Variants in CAMKMT observed in about 807,000 individuals in gnomAD.
CAMKMT encodes the protein calmodulin-lysine N-methyltransferase.
CAMKMT carries 53 observed loss-of-function variants against 48.0 expected under a neutral mutation model. The observed-to-expected ratio is 1.10, with a 90% CI of 0.89 to 1.39. The LOEUF is 1.39. Among genes scored for constraint, CAMKMT ranks in the 40% most tolerant of loss-of-function variants. CAMKMT has a pLI of 0.00. For missense variants in CAMKMT, 428 were observed against 402.7 expected (o/e 1.06, Z -0.54); for synonymous variants, 165 against 152.3 (o/e 1.08, Z -0.61).
intron 3 of CAMKMT, among the ~76,000 whole-genome samples, chr2:44,615,745 A>G (rs992836025): frequency 2.6e-5 from 4 of 152,150 alleles, no homozygotes; most frequent in Non-Finnish European, 5.9e-5. Context: ...TTTAAGTAAC[A>G]ATAGGATCTC....
intron 3 of CAMKMT, among the ~76,000 whole-genome samples, chr2:44,574,822 C>T (rs1669121220): frequency 6.6e-6 from 1 of 151,976 alleles, no homozygotes; most frequent in Non-Finnish European, 1.5e-5. Context: ...CTCACAGCAA[C>T]CTCCATCTCC....
At chr2:44,643,371 C>T (rs999670303) in intron 3 of CAMKMT, among the ~76,000 whole-genome samples, 7 of 152,094 alleles carry the variant, frequency 4.6e-5, no homozygotes, top group Non-Finnish European at 8.8e-5. Context: ...ATACATAATT[C>T]TTTGCAAGTA....
intron 3 of CAMKMT, among the ~76,000 whole-genome samples, chr2:44,537,565 T>TTTTC (rs933965078): frequency 4.6e-5 from 7 of 152,028 alleles, no homozygotes; most frequent in Non-Finnish European, 1.5e-5. Flanking sequence ...ACTCTTTTTT[T>TTTTC]TTTCTTTCTT....
At chr2:44,646,141 T>A (rs1438528976) in intron 3 of CAMKMT, among the ~76,000 whole-genome samples, 1 of 152,174 alleles carries the variant, frequency 6.6e-6, no homozygotes, top group African/African-American at 2.4e-5. Flanking sequence ...GCTATAATAG[T>A]CTGCCAAAAT....
At chr2:44,509,360 G>T (rs913619471) in intron 3 of CAMKMT, among the ~76,000 whole-genome samples, 19 of 151,854 alleles carry the variant, frequency 1.3e-4, no homozygotes. Flanking sequence ...TGTCACCCAG[G>T]CTGGAGTGCA....
At chr2:44,606,169 GA>G (rs766769070) in intron 3 of CAMKMT, among the ~76,000 whole-genome samples, 1 of 152,032 alleles carries the variant, frequency 6.6e-6, no homozygotes, top group Admixed American at 6.5e-5. Context: ...CCCCAATCTG[GA>G]CTTCTAAAAT....
At chr2:44,592,582 A>G (rs1242791755) in intron 3 of CAMKMT, among the ~76,000 whole-genome samples, 2 of 152,136 alleles carry the variant, frequency 1.3e-5, no homozygotes, top group Non-Finnish European at 2.9e-5. Context: ...TATTGTTATA[A>G]TTGTTCTGTT....
At chr2:44,377,522 A>C (rs1452172308) in intron 2 of CAMKMT, among the ~76,000 whole-genome samples, 1 of 152,182 alleles carries the variant, frequency 6.6e-6, no homozygotes, top group Non-Finnish European at 1.5e-5. Flanking sequence ...ACTTAATTCC[A>C]GCACAGCAGG....
intron 3 of CAMKMT, among the ~76,000 whole-genome samples, chr2:44,639,753 T>G (rs1409389079): frequency 3.9e-5 from 6 of 152,250 alleles, no homozygotes; most frequent in Non-Finnish European, 7.3e-5. Flanking sequence ...TCTTTTATTC[T>G]GTTCAACCTA....
At chr2:44,461,142 T>A (rs1558633277) in intron 3 of CAMKMT, among the ~76,000 whole-genome samples, 1 of 152,182 alleles carries the variant, frequency 6.6e-6, no homozygotes, top group Non-Finnish European at 1.5e-5. Context: ...TTCCAGACGG[T>A]CTAAAAAATT....
At chr2:44,537,073 T>C (rs2104842953) in intron 3 of CAMKMT, among the ~76,000 whole-genome samples, 1 of 152,186 alleles carries the variant, frequency 6.6e-6, no homozygotes, top group Admixed American at 6.5e-5. Flanking sequence ...GATGAAAACA[T>C]AGGGGAAACA....
At chr2:44,494,748 A>G (rs578066774) in intron 3 of CAMKMT, among the ~76,000 whole-genome samples, 2 of 152,220 alleles carry the variant, frequency 1.3e-5, no homozygotes, top group Admixed American at 6.5e-5. Flanking sequence ...ATTATGACAG[A>G]TAAGGTTTAG....
chr2:44,693,786 C>T (rs1406393820), intron 3 of CAMKMT, among the ~76,000 whole-genome samples: 1 of 152,162 alleles, frequency 6.6e-6, no homozygotes, highest in East Asian at 1.9e-4. Context: ...ACATGAGCAG[C>T]TTTTCTTTTT....
chr2:44,587,156 A>C lies in CAMKMT; in HGVS notation c.377-117127A>C, dbSNP rs1669902206. 2.6e-5 allele frequency among the ~76,000 whole-genome samples: 4 copies of C among 152,042 alleles called. No individual in the cohort carries two copies. The South Asian group carries it at 8.3e-4, about 31-fold the overall frequency. The stretch of plus-strand genomic sequence containing the variant: ...TGTTTTCTTGTTATTGAATTTTGAG[A>C]ATTCTTTATTCTGAATACAAGTCCT... On this transcript the variant is annotated intron_variant, in intron 3 of 10. Transcript: ENST00000378494.
chr2:44,458,614 G>A (rs749087472), intron 3 of CAMKMT, among the ~76,000 whole-genome samples: 1 of 152,128 alleles, frequency 6.6e-6, no homozygotes, highest in Non-Finnish European at 1.5e-5. Flanking sequence ...TTAGAAAGAC[G>A]TTTTTATATA....
At chr2:44,456,704 C>G in intron 3 of CAMKMT, 1 of 1,067,824 alleles carries the variant, frequency 9.4e-7, no homozygotes, top group Non-Finnish European at 1.3e-6. Flanking sequence ...CTCTGCTTGT[C>G]TTCATGATCT....
chr2:44,520,949 C>T (rs1284307040), intron 3 of CAMKMT, among the ~76,000 whole-genome samples: 1 of 152,198 alleles, frequency 6.6e-6, no homozygotes, highest in Non-Finnish European at 1.5e-5. Flanking sequence ...TGAGGTTTCC[C>T]CAGCCATGTG....
At chr2:44,427,689 C>T (rs1358703046) in intron 3 of CAMKMT, among the ~76,000 whole-genome samples, 1 of 151,970 alleles carries the variant, frequency 6.6e-6, no homozygotes, top group African/African-American at 2.4e-5. Flanking sequence ...TTTTTTTTAG[C>T]CTTCAAATGT....
At chr2:44,402,899 CT>C (rs1483022871) in intron 3 of CAMKMT, among the ~76,000 whole-genome samples, 1 of 146,252 alleles carries the variant, frequency 6.8e-6, no homozygotes, top group Non-Finnish European at 1.5e-5. Flanking sequence ...GCCTTTCTTG[CT>C]TTTTTTGAAG....
Sources: gnomAD v4.1 joint callset for allele counts (sites outside exome capture counted in the v4.1 genomes callset) on GRCh38, gnomAD v4.1.1 for gene constraint, MANE v1.5 for transcripts, NCBI Gene and HGNC (gene_info 2026-07-23, HGNC 2026-07-21) for gene names.